Variants in SLC44A2 observed in about 807,000 individuals in gnomAD.
The protein encoded by SLC44A2 is solute carrier family 44 member 2 (CTL2 blood group), also known as choline transporter-like protein 2.
Under a neutral mutation model 90.8 loss-of-function variants are expected in SLC44A2, and 57 were observed. The observed-to-expected ratio is 0.63, with a 90% CI of 0.51 to 0.78. The LOEUF (loss-of-function observed/expected upper bound fraction) is 0.78, where lower values mean the gene tolerates loss of function less well. Among genes scored for constraint, SLC44A2 ranks in the 30% least tolerant of loss-of-function variants. The probability of loss-of-function intolerance (pLI) is 0.00; values close to 1 mark genes in which losing one functional copy is unlikely to be tolerated. For missense variants in SLC44A2, 794 were observed against 919.7 expected, an observed-to-expected ratio of 0.86 and a Z score of 1.77; for synonymous variants, 355 against 360.7, an observed-to-expected ratio of 0.98 and a Z score of 0.18.
chr19:10,627,835 G>T, intron 3 of SLC44A2, 40 bp downstream of exon 3: 1 of 1,613,244 alleles, frequency 6.2e-7, no homozygotes, highest in Non-Finnish European at 8.5e-7. Context: ...TGCAGGGTAG[G>T]CGGAGGCAGC....
At chr19:10,640,911 C>A in intron 20 of SLC44A2, 1 of 225,498 alleles carries the variant, frequency 4.4e-6, no homozygotes, top group Non-Finnish European at 9.1e-6. Flanking sequence ...ATGGTGAAAC[C>A]CCATCTCTAC....
rs1317991762 is a variant in SLC44A2, at chr19:10,636,568, C to G, written c.1479C>G (p.Ala493=). The change falls in exon 15 of 22, where the codon GCC becomes GCG. Residue 493 remains alanine, a synonymous_variant. Transcript: ENST00000335757. ...TGCCGGCCTTCCCGCTCTTCTCTGC[C>G]TTTGGCCGGGCGCTCAGGTGGGCTG... ...DDLPAFPLFS[A]FGRALRYHTG... The G allele has an allele frequency of 6.2e-7, 1 of 1,605,758 alleles. No homozygotes were observed. The highest frequency in any genetic ancestry group is 8.5e-7 in the Non-Finnish European group (1 of 1,177,434).
intron 21 of SLC44A2, 128 bp downstream of exon 21, chr19:10,642,579 G>A (rs988433098): frequency 1.5e-5 from 13 of 891,272 alleles, no homozygotes; most frequent in South Asian, 4.2e-5. Flanking sequence ...GCTGTCCCTC[G>A]TCCTGGGTCC....
intron 21 of SLC44A2, 179 bp from the exon 22 acceptor site, chr19:10,643,100 G>A (rs1350678088): frequency 1.7e-5 from 24 of 1,451,404 alleles, no homozygotes; most frequent in South Asian, 2.9e-5. Flanking sequence ...CCTGGCCTGC[G>A]AGTGTGGGGA....
At chr19:10,636,209 C>T (rs2067052286) in intron 14 of SLC44A2, 114 bp from the exon 15 acceptor site, 1 of 1,250,102 alleles carries the variant, frequency 8.0e-7, no homozygotes, top group Non-Finnish European at 1.1e-6. Context: ...TAACTTCAAT[C>T]CCTATGTCTC....
upstream of SLC44A2, chr19:10,602,505 A>T (rs12981312): frequency 8.0e-7 from 1 of 1,256,874 alleles, no homozygotes. Flanking sequence ...GCTGGCTCGG[A>T]CTCCGCTCCC....
chr19:10,632,408 T>C (rs938890210), intron 10 of SLC44A2, among the ~76,000 whole-genome samples: 3 of 151,482 alleles, frequency 2.0e-5, no homozygotes, highest in Non-Finnish European at 2.9e-5. Flanking sequence ...TGGAGGTGCA[T>C]GCCTGTAATC....
At position 10,643,277 on chromosome 19, in the gene SLC44A2, A is replaced by G. The variant is rs1324445905; in HGVS notation, c.2015-2A>G. 1 of 1,609,542 alleles carries G rather than the reference A, an allele frequency of 6.2e-7. No homozygotes were observed. On this transcript the variant is annotated splice_acceptor_variant, in intron 21 of 21. Coordinates refer to ENST00000335757, the MANE Select transcript of SLC44A2 (RefSeq NM_020428.4). LOFTEE classifies it high-confidence loss of function. ...CTCCTGCTCTGGGACCTCTCTCCAC[A>G]GTGGAGGACCTGGAGAGGAATGACG...
At position 10,636,721 on chromosome 19, in the gene SLC44A2, G is replaced by C. The variant is rs778730687; in HGVS notation, c.1556G>C (p.Arg519Pro). Residue 519 changes from arginine (R) to proline (P), a missense_variant, in exon 16 of 22, where the codon CGT (arginine) becomes CCT (proline). Physicochemically the swap from Arg to Pro is moderately radical, Grantham distance 103. Coordinates refer to ENST00000335757, the MANE Select transcript of SLC44A2 (RefSeq NM_020428.4). ...ATCCTGGCCATTGTGCAGATCATCC[G>C]TGTGATACTCGAGTACCTGGATCAG... The part of the protein sequence containing the change: ...ALILAIVQII[R>P]VILEYLDQRL... 8 of 1,614,022 alleles carry C rather than the reference G, an allele frequency of 5.0e-6. No homozygotes were observed. Among genetic ancestry groups the C allele is most frequent in the South Asian group, 4.4e-5 (4 of 91,066 alleles).
In SLC44A2 at chr19:10,616,475, T is replaced by A. The variant is rs181013653; in HGVS notation, c.32-9778T>A. On this transcript the variant is annotated intron_variant, in intron 1 of 21. Transcript: ENST00000407327. ...TGCCTGTTGCTTAGTCTGCTCTTGA[T>A]CTCCTGGACTCAAGTGATCCACCCA... Among the ~76,000 whole-genome samples, 3 of 152,158 alleles carry A rather than the reference T, an allele frequency of 2.0e-5. No individual in the cohort carries two copies. In the East Asian group the frequency reaches 5.8e-4, roughly 30 times the overall value.
chr19:10,636,074 G>A (rs2067051095), intron 14 of SLC44A2: 2 of 515,416 alleles, frequency 3.9e-6, no homozygotes, highest in Non-Finnish European at 6.8e-6. Context: ...ACCTCGCCCG[G>A]CCCATTTTTC....
chr19:10,611,457 AT>A (rs1386327090), intron 1 of SLC44A2, among the ~76,000 whole-genome samples: 1 of 151,594 alleles, frequency 6.6e-6, no homozygotes, highest in Non-Finnish European at 1.5e-5. Flanking sequence ...ATTTCAAAAA[AT>A]AATAAATAAA....
intron 1 of SLC44A2, among the ~76,000 whole-genome samples, chr19:10,609,125 T>C (rs1457654813): frequency 6.6e-6 from 1 of 151,146 alleles, no homozygotes; most frequent in African/African-American, 2.4e-5. Flanking sequence ...GCCCAGCTAA[T>C]TTTTGTATTT....
At chr19:10,622,316 G>A (rs533953679), upstream of SLC44A2, among the ~76,000 whole-genome samples, 12 of 152,258 alleles carry the variant, frequency 7.9e-5, no homozygotes, top group Non-Finnish European at 1.6e-4. Context: ...GAAGAGCTGG[G>A]CTTTTTCCTC....
chr19:10,621,987 A>T (rs8113212), upstream of SLC44A2, among the ~76,000 whole-genome samples: 1 of 152,074 alleles, frequency 6.6e-6, no homozygotes, highest in Non-Finnish European at 1.5e-5. Context: ...GTCTCGAACT[A>T]CTGGCCTCCA....
At position 10,636,958 on chromosome 19, in the gene SLC44A2, A is replaced by G. The variant is rs1022873107; in HGVS notation, c.1591+202A>G. The stretch of plus-strand genomic sequence containing the variant: ...CAAACCAGAGAACCTACTGGGTGGA[A>G]TTCTTGCTGTTGAGGGGACAGGCCC... On this transcript the variant is annotated intron_variant, in intron 16 of 21. Coordinates refer to ENST00000335757, the MANE Select transcript of SLC44A2 (RefSeq NM_020428.4). The G allele has an allele frequency of 9.2e-6, 5 of 545,092 alleles. No individual in the cohort carries two copies. In the Admixed American group the frequency reaches 1.0e-4, roughly 11 times the overall value. 33.8% of individuals were successfully genotyped at this position (545,092 alleles called of 1,614,324 possible).
At chr19:10,633,526 G>A (rs1358919614) in intron 10 of SLC44A2, among the ~76,000 whole-genome samples, 2 of 152,144 alleles carry the variant, frequency 1.3e-5, no homozygotes, top group Admixed American at 6.6e-5. Context: ...CACAATCACA[G>A]CTCACTGCAG....
chr19:10,639,122 T>C (rs1157082512), intron 20 of SLC44A2, among the ~76,000 whole-genome samples: 2 of 152,080 alleles, frequency 1.3e-5, no homozygotes, highest in Non-Finnish European at 2.9e-5. Flanking sequence ...TTAATAGAGA[T>C]GGGGTTTCAC....
At chr19:10,611,761 G>T (rs1269686948) in intron 1 of SLC44A2, among the ~76,000 whole-genome samples, 1 of 152,080 alleles carries the variant, frequency 6.6e-6, no homozygotes, top group Non-Finnish European at 1.5e-5. Flanking sequence ...GGCAGAGGTT[G>T]CAGTGAGCCG....
Sources: gnomAD v4.1 joint callset for allele counts (sites outside exome capture counted in the v4.1 genomes callset) on GRCh38, gnomAD v4.1.1 for gene constraint, MANE v1.5 for transcripts, NCBI Gene and HGNC (gene_info 2026-07-23, HGNC 2026-07-21) for gene names.